ZIM2: variants seen among roughly 807,000 people sequenced by gnomAD.
ZIM2 encodes zinc finger protein 656.
ZIM2 carries 14 observed loss-of-function variants against 38.6 expected under a neutral mutation model. That is an observed-to-expected ratio of 0.36 (90% CI 0.24 to 0.57). ZIM2 has a LOEUF of 0.57. ZIM2 is among the 20% of genes least tolerant of loss of function. The pLI is 0.81. For synonymous variants in ZIM2, 247 were observed against 245.8 expected (o/e 1.00, Z -0.04); for missense variants, 680 against 695.1 (o/e 0.98, Z 0.24).
chr19:56,779,301 G>A, intron 12 of ZIM2, 76 bp downstream of exon 12: 1 of 1,491,030 alleles, frequency 6.7e-7, no homozygotes, highest in South Asian at 1.2e-5. Context: ...TGGCCCAGGG[G>A]ACTTTGAGGA....
At chr19:56,815,634 A>G in intron 9 of ZIM2, 1 of 1,614,168 alleles carries the variant, frequency 6.2e-7, no homozygotes, top group Non-Finnish European at 8.5e-7. Context: ...TCTTTTTAGC[A>G]CGAGCCTTCT....
chr19:56,785,198 G>C (rs1156925035), intron 10 of ZIM2, among the ~76,000 whole-genome samples: 1 of 152,058 alleles, frequency 6.6e-6, no homozygotes, highest in Non-Finnish European at 1.5e-5. Flanking sequence ...CCTATATATG[G>C]GACAGGCACT....
At chr19:56,825,758 T>C (rs1005789253) in intron 3 of ZIM2, among the ~76,000 whole-genome samples, 6 of 152,188 alleles carry the variant, frequency 3.9e-5, no homozygotes, top group Non-Finnish European at 5.9e-5. Context: ...AAAAAAACCA[T>C]ATGCAACAGA....
In ZIM2 at chr19:56,774,851, ACT is replaced by A. The variant is rs1217037459; in HGVS notation, c.1512_1513del (p.Arg504SerfsTer13). 8.7e-6 allele frequency: 14 copies of A among 1,613,932 alleles called. No homozygotes were observed. The highest frequency in any genetic ancestry group is 1.1e-5 in the Non-Finnish European group (13 of 1,179,978). The stretch of plus-strand genomic sequence containing the variant: ...AATGAGATATGAATTCCGACTGAAG[ACT>A]CTGCCACAGTCACAACACTGGCAGG... On this transcript the variant is annotated frameshift_variant, in exon 13 of 13. Transcript: ENST00000629319. LOFTEE classifies it low-confidence loss of function (END_TRUNC).
intron 9 of ZIM2, among the ~76,000 whole-genome samples, chr19:56,800,478 A>AATTTT (rs2047463949): frequency 6.6e-6 from 1 of 152,156 alleles, no homozygotes; most frequent in African/African-American, 2.4e-5. Context: ...AGGTTACTAA[A>AATTTT]AGTAAGAATT....
intron 9 of ZIM2, among the ~76,000 whole-genome samples, chr19:56,795,942 A>G (rs2047200030): frequency 2.0e-5 from 3 of 152,222 alleles, no homozygotes; most frequent in African/African-American, 7.2e-5. Context: ...TGGTAAAAAT[A>G]AAAAATAACA....
At chr19:56,804,930 T>C (rs2047686396) in intron 9 of ZIM2, among the ~76,000 whole-genome samples, 1 of 152,216 alleles carries the variant, frequency 6.6e-6, no homozygotes, top group South Asian at 2.1e-4. Context: ...GAGGCAATAT[T>C]TGTGACCAGG....
chr19:56,788,530 G>C (rs1314881519), intron 10 of ZIM2, among the ~76,000 whole-genome samples: 1 of 151,946 alleles, frequency 6.6e-6, no homozygotes, highest in Non-Finnish European at 1.5e-5. Context: ...TAGTCTGATG[G>C]GCTTCCCTTT....
At chr19:56,785,778 A>C (rs976878774) in intron 10 of ZIM2, among the ~76,000 whole-genome samples, 4 of 152,226 alleles carry the variant, frequency 2.6e-5, no homozygotes, top group Admixed American at 1.3e-4. Flanking sequence ...GTGCACACAA[A>C]TCACCTGGGG....
chr19:56,830,044 C>G (rs762938823), intron 2 of ZIM2, among the ~76,000 whole-genome samples: 5 of 152,128 alleles, frequency 3.3e-5, no homozygotes, highest in Non-Finnish European at 7.4e-5. Flanking sequence ...ATGGCCTAAA[C>G]GGGCCATCAA....
Position 56,807,270 on chromosome 19 carries a change from A to C in ZIM2, c.490+10476T>G, listed in dbSNP as rs561346145. ...CCAGTGATCCCTGAAGACTAATTCA[A>C]GATGACAGGCAAATGACCAACGTAT... On this transcript the variant is annotated intron_variant, in intron 9 of 12. Coordinates refer to ENST00000629319, the MANE Select transcript of ZIM2 (RefSeq NM_001387356.1). Among the ~76,000 whole-genome samples the C allele has an allele frequency of 5.9e-4, 90 of 152,358 alleles. 1 individual carries two copies. Among genetic ancestry groups the C allele is most frequent in the African/African-American group, 1.9e-3 (81 of 41,588 alleles).
At chr19:56,793,139 T>C (rs182057953) in intron 9 of ZIM2, 1 of 152,766 alleles carries the variant, frequency 6.5e-6, no homozygotes, top group Non-Finnish European at 1.5e-5. Flanking sequence ...AGTTGCTCTA[T>C]CATCTGCTCC....
At chr19:56,786,820 T>TTTTTG (rs771515062) in intron 10 of ZIM2, among the ~76,000 whole-genome samples, 1 of 152,042 alleles carries the variant, frequency 6.6e-6, no homozygotes, top group Non-Finnish European at 1.5e-5. Context: ...GTTTTATTGT[T>TTTTTG]TTTTGTTTTG....
intron 5 of ZIM2, among the ~76,000 whole-genome samples, chr19:56,823,203 T>C (rs1168359706): frequency 6.6e-6 from 1 of 152,062 alleles, no homozygotes; most frequent in Admixed American, 6.6e-5. Context: ...GTACACGTTA[T>C]TCTACTACAA....
chr19:56,835,988 G>A (rs1343770338), intron 2 of ZIM2, 30 bp downstream of exon 2: 1 of 506,598 alleles, frequency 2.0e-6, no homozygotes, highest in Non-Finnish European at 3.9e-6. Flanking sequence ...AAAGATGAAT[G>A]TGGCACTGTG....
At chr19:56,838,623 AAC>A (rs1353427520) in intron 1 of ZIM2, among the ~76,000 whole-genome samples, 2 of 152,168 alleles carry the variant, frequency 1.3e-5, no homozygotes, top group Admixed American at 6.5e-5. Flanking sequence ...GTTAGCCAAA[AAC>A]ACAGCGAGCG....
At chr19:56,822,714 C>CTA (rs1475474489) in intron 6 of ZIM2, 39 bp downstream of exon 6, 1 of 1,610,342 alleles carries the variant, frequency 6.2e-7, no homozygotes, top group Non-Finnish European at 8.5e-7. Context: ...AGCACATGCT[C>CTA]TATATCTCCT....
chr19:56,820,078 G>GT (rs1428358620), intron 7 of ZIM2, among the ~76,000 whole-genome samples: 1 of 152,238 alleles, frequency 6.6e-6, no homozygotes, highest in African/African-American at 2.4e-5. Context: ...ATCTAGGCCA[G>GT]TGGGCAGCCC....
chr19:56,818,516 T>C, intron 8 of ZIM2, 84 bp downstream of exon 8: 1 of 1,426,068 alleles, frequency 7.0e-7, no homozygotes, highest in Non-Finnish European at 9.8e-7. Flanking sequence ...TAATGTGGAC[T>C]CTAACATCCA....
Sources: gnomAD v4.1 joint callset for allele counts (sites outside exome capture counted in the v4.1 genomes callset) on GRCh38, gnomAD v4.1.1 for gene constraint, MANE v1.5 for transcripts, NCBI Gene and HGNC (gene_info 2026-07-23, HGNC 2026-07-21) for gene names.